Variants in FCHO1 observed in about 807,000 individuals in gnomAD.
FCHO1 encodes the protein FCH and mu domain containing endocytic adaptor 1.
In FCHO1, 45 loss-of-function variants were observed where a neutral mutation model predicts 114.4. The observed-to-expected ratio is 0.39, with a 90% CI of 0.31 to 0.50. The LOEUF is 0.50. FCHO1 is among the 20% of genes least tolerant of loss of function. FCHO1 has a pLI of 0.77. For synonymous variants in FCHO1, 480 were observed against 488.9 expected, an observed-to-expected ratio of 0.98 and a Z score of 0.24; for missense variants, 1,042 against 1,209.6, an observed-to-expected ratio of 0.86 and a Z score of 2.06.
intron 4 of FCHO1, among the ~76,000 whole-genome samples, chr19:17,758,012 G>C (rs1002265193): frequency 6.6e-6 from 1 of 150,728 alleles, no homozygotes; most frequent in African/African-American, 2.4e-5. Flanking sequence ...TCAGGAGATC[G>C]AGACCATCCT....
intron 7 of FCHO1, among the ~76,000 whole-genome samples, chr19:17,767,395 C>CAAAAAAAAAAA (rs3083683): frequency 7.6e-6 from 1 of 130,766 alleles, no homozygotes; most frequent in African/African-American, 3.0e-5. Context: ...CCATCTTTAC[C>CAAAAAAAAAAA]AAAAAAAAAA....
chr19:17,760,594 A>C (rs2085733524), intron 4 of FCHO1, among the ~76,000 whole-genome samples: 1 of 152,222 alleles, frequency 6.6e-6, no homozygotes, highest in Non-Finnish European at 1.5e-5. Flanking sequence ...TAATGTTACG[A>C]ATTAGCAAAA....
chr19:17,784,324 C>A lies in FCHO1; in HGVS notation c.2226+89C>A. 2 of 1,483,236 alleles carry A rather than the reference C, an allele frequency of 1.3e-6. No individual in the cohort carries two copies. The highest frequency in any genetic ancestry group is 1.3e-5 in the South Asian group (1 of 78,816). 91.9% of individuals were successfully genotyped at this position (1,483,236 alleles called of 1,614,324 possible). A position where few individuals can be genotyped will look rare whatever the true frequency, so the allele number is the denominator to read the frequency against. ...GACATGGAGGCGCCTGCGTGTTGGC[C>A]AGGCTGGTCTCGAATTCCTGACCTC... On this transcript the variant is annotated intron_variant, in intron 25 of 28. Transcript: ENST00000596536. This position sits in a 1 kb window ranked among gnomAD's most constrained non-coding sequence, Gnocchi z 5.3.
In FCHO1 at chr19:17,782,999, T is replaced by A. The variant is rs749802762; in HGVS notation, c.1938-18T>A. ...GGCAGAGCCCTAAGCCAACACCCAG[T>A]CCCCTCATCCTCCCTAGCTGCCTGG... On this transcript the variant is annotated intron_variant, in intron 23 of 28. Transcript: ENST00000596536. 5.8e-5 allele frequency: 94 copies of A among 1,612,728 alleles called. No individual in the cohort carries two copies. The highest frequency in any genetic ancestry group is 1.6e-4 in the Middle Eastern group (1 of 6,072).
intron 3 of FCHO1, 162 bp from the exon 4 acceptor site, chr19:17,754,956 G>C: frequency 1.6e-6 from 1 of 612,920 alleles, no homozygotes; most frequent in Non-Finnish European, 3.0e-6. Context: ...CTTGGGACCA[G>C]CACTGGGGCT....
chr19:17,780,010 C>CAA (rs1568365187), intron 20 of FCHO1, among the ~76,000 whole-genome samples: 2 of 151,562 alleles, frequency 1.3e-5, no homozygotes, highest in African/African-American at 4.9e-5. Flanking sequence ...GGGAAGCCCC[C>CAA]GAGTCAGAGG....
chr19:17,788,245 TCC>T, intron 28 of FCHO1, 37 bp from the exon 29 acceptor site: 1 of 474,976 alleles, frequency 2.1e-6, no homozygotes, highest in Non-Finnish European at 3.9e-6. Flanking sequence ...CCCGTACCCC[TCC>T]TCCCCACCCC....
Position 17,763,891 on chromosome 19 carries a change from G to A in FCHO1, c.120-484G>A, listed in dbSNP as rs575509960. Among the ~76,000 whole-genome samples the A allele has an allele frequency of 1.7e-4, 26 of 151,624 alleles. No individual in the cohort carries two copies. The South Asian group carries it at 5.2e-3, about 30-fold the overall frequency. ...TACTGTTGTTAATAAAATATATTAC[G>A]TAAGAAAAAATCTTCTATGAATTTT... On this transcript the variant is annotated intron_variant, in intron 5 of 28. Transcript: ENST00000596536.
intron 27 of FCHO1, among the ~76,000 whole-genome samples, chr19:17,787,364 T>C (rs1238458456): frequency 3.3e-5 from 5 of 149,596 alleles, no homozygotes; most frequent in Non-Finnish European, 5.9e-5. Flanking sequence ...TGACCTATGA[T>C]TGCACCACTA....
At chr19:17,779,379 C>G (rs1490725635) in intron 20 of FCHO1, among the ~76,000 whole-genome samples, 4 of 151,650 alleles carry the variant, frequency 2.6e-5, no homozygotes, top group African/African-American at 9.7e-5. Context: ...GGACCTGACT[C>G]AGGGGTCACA....
chr19:17,753,065 G>C (rs1220510573), intron 1 of FCHO1, among the ~76,000 whole-genome samples: 1 of 151,908 alleles, frequency 6.6e-6, no homozygotes, highest in Non-Finnish European at 1.5e-5. Flanking sequence ...CTGGGCAACA[G>C]AGCGAGACCC....
intron 20 of FCHO1, among the ~76,000 whole-genome samples, chr19:17,780,752 G>A (rs1385722267): frequency 1.3e-5 from 2 of 152,104 alleles, no homozygotes; most frequent in Non-Finnish European, 2.9e-5. Flanking sequence ...GGGGAGGTTG[G>A]CAAGCAAGGG....
rs911111459 is a variant in FCHO1, at chr19:17,775,194, G to A, written c.945+114G>A. On this transcript the variant is annotated intron_variant, in intron 14 of 28. Coordinates refer to ENST00000596536, the MANE Select transcript of FCHO1 (RefSeq NM_015122.3). The surrounding 1 kb of genome is among the most constrained non-coding windows in gnomAD (Gnocchi z 5.1). ...AACTAAAGAGCCGAGATTGAGGGGC[G>A]GGCTGGAGCCTGGGGGCTGGGTTCA... The A allele has an allele frequency of 2.2e-5, 27 of 1,242,356 alleles. No individual in the cohort carries two copies. Among genetic ancestry groups the A allele is most frequent in the East Asian group, 1.9e-4 (8 of 41,890 alleles). 77.0% of individuals were successfully genotyped at this position (1,242,356 alleles called of 1,614,324 possible).
In FCHO1 at chr19:17,755,117, G is replaced by A. The variant is rs762438220; in HGVS notation, c.-47-1G>A. 1 of 1,605,448 alleles carries A rather than the reference G, an allele frequency of 6.2e-7. No individual in the cohort carries two copies. The highest frequency in any genetic ancestry group is 1.1e-5 in the South Asian group (1 of 90,874). On this transcript the variant is annotated splice_acceptor_variant, in intron 3 of 28. Coordinates refer to ENST00000596536, the MANE Select transcript of FCHO1 (RefSeq NM_015122.3). LOFTEE classifies it low-confidence loss of function (5UTR_SPLICE). Reference sequence around the variant, plus strand: ...TAGCTCAAACTTGCCTCTCTCTTCAGACAGGCACTGGACGGGGCCTGCAGG... The same window carrying A: ...TAGCTCAAACTTGCCTCTCTCTTCAAACAGGCACTGGACGGGGCCTGCAGG...
intron 5 of FCHO1, among the ~76,000 whole-genome samples, chr19:17,763,561 G>T (rs2087333362): frequency 1.8e-5 from 2 of 114,054 alleles, no homozygotes; most frequent in African/African-American, 2.9e-5. Context: ...ACTGCACTCT[G>T]CCTTTTTTTT....
upstream of FCHO1, among the ~76,000 whole-genome samples, chr19:17,750,888 A>G (rs56251816): frequency 0.23 from 33,491 of 143,532 alleles, 4,132 homozygotes; most frequent in African/African-American, 0.33. Context: ...GCAGTGGCGC[A>G]ATCTCGGCTC....
upstream of FCHO1, among the ~76,000 whole-genome samples, chr19:17,751,323 G>A (rs1314486343): frequency 1.3e-5 from 2 of 152,302 alleles, no homozygotes; most frequent in Non-Finnish European, 2.9e-5. This position sits in a 1 kb window ranked among gnomAD's most constrained non-coding sequence, Gnocchi z 4.4. Flanking sequence ...GTTCAGGCCG[G>A]GGGGCTCCAG....
upstream of FCHO1, among the ~76,000 whole-genome samples, chr19:17,748,504 A>C: frequency 8.5e-6 from 1 of 117,176 alleles, no homozygotes; most frequent in Non-Finnish European, 1.8e-5. Flanking sequence ...TGGAGCCTGG[A>C]CTTGGGGGGG....
At chr19:17,764,336 C>A in intron 5 of FCHO1, 39 bp from the exon 6 acceptor site, 1 of 1,598,618 alleles carries the variant, frequency 6.3e-7, no homozygotes, top group East Asian at 2.2e-5. Context: ...CCACTGCGCC[C>A]GGGCAGTTTC....
Sources: gnomAD v4.1 joint callset for allele counts (sites outside exome capture counted in the v4.1 genomes callset) on GRCh38, gnomAD v4.1.1 for gene constraint, Gnocchi (gnomAD v3.1) non-coding constraint, MANE v1.5 for transcripts, NCBI Gene and HGNC (gene_info 2026-07-23, HGNC 2026-07-21) for gene names.